HIBCH: variants seen among roughly 807,000 people sequenced by gnomAD.
HIBCH encodes the protein 3-hydroxyisobutyryl-CoA hydrolase, mitochondrial.
HIBCH carries 50 observed loss-of-function variants against 58.2 expected under a neutral mutation model. The ratio of observed to expected loss-of-function variants is 0.86; its 90% CI spans 0.68 to 1.09. The LOEUF (loss-of-function observed/expected upper bound fraction) is 1.09, where lower values mean the gene tolerates loss of function less well. Ranked by LOEUF, HIBCH falls within the 50% of genes least tolerant of loss-of-function variation. HIBCH has a pLI of 0.00. For missense variants in HIBCH, 450 were observed against 449.7 expected, an observed-to-expected ratio of 1.00 and a Z score of -0.01; for synonymous variants, 151 against 146.9, an observed-to-expected ratio of 1.03 and a Z score of -0.20.
chr2:190,250,203 T>C (rs1686723184), intron 8 of HIBCH: 1 of 350,816 alleles, frequency 2.9e-6, no homozygotes, highest in Non-Finnish European at 5.7e-6. Flanking sequence ...TTCTTGCCCC[T>C]GTGATTTCAT....
Position 190,249,730 on chromosome 2 carries a change from A to C in HIBCH, c.664-4T>G. ...AATCTTCCTCTAACATGGCCAACTA[A>C]AGGGGAGGCAGAAAAAAAGGAAAGA... On this transcript the variant is annotated splice_polypyrimidine_tract_variant and splice_region_variant and intron_variant, in intron 8 of 13. Coordinates refer to ENST00000359678, the MANE Select transcript of HIBCH (RefSeq NM_014362.4). 2 of 1,563,556 alleles carry C rather than the reference A, an allele frequency of 1.3e-6. No individual in the cohort carries two copies. Among genetic ancestry groups the C allele is most frequent in the Non-Finnish European group, 1.8e-6 (2 of 1,134,436 alleles).
At position 190,296,930 on chromosome 2, in the gene HIBCH, T is replaced by C; in HGVS notation, c.102A>G (p.Ala34=). The C allele has an allele frequency of 2.5e-6, 4 of 1,614,158 alleles. No individual in the cohort carries two copies. The highest frequency in any genetic ancestry group is 1.1e-5 in the South Asian group (1 of 91,086). The change falls in exon 3 of 14, where the codon GCA becomes GCG. Residue 34 remains alanine, a synonymous_variant. Transcript: ENST00000359678. ...HHLRMSKHTD[A]AEEVLLEKKG... ...TTTTTTCCAATAGCACCTCTTCTGC[T>C]GCATCTGTGTGCTTGGACATTCTCT...
In HIBCH at chr2:190,243,641, T is replaced by C. The variant is rs1461510525; in HGVS notation, c.891+1246A>G. On this transcript the variant is annotated intron_variant, in intron 11 of 13. Coordinates refer to ENST00000359678, the MANE Select transcript of HIBCH (RefSeq NM_014362.4). The surrounding 1 kb of genome is among the most constrained non-coding windows in gnomAD (Gnocchi z 4.1). ...AATTTTAATACTGTATAAGATCCCA[T>C]GGGAGAAATTAACTTTGGATTTCCC... is the stretch of plus-strand genomic sequence containing the variant. 2.6e-5 allele frequency among the ~76,000 whole-genome samples: 4 copies of C among 152,138 alleles called. No homozygotes were observed. Among genetic ancestry groups the C allele is most frequent in the Admixed American group, 2.6e-4 (4 of 15,270 alleles).
downstream of HIBCH, chr2:190,199,840 C>A: frequency 6.2e-7 from 1 of 1,608,302 alleles, no homozygotes; most frequent in Non-Finnish European, 8.5e-7. Flanking sequence ...ACTGCTTCCT[C>A]CACAAACAGC....
chr2:190,262,273 T>C (rs993836454), intron 6 of HIBCH, among the ~76,000 whole-genome samples: 1 of 145,330 alleles, frequency 6.9e-6, no homozygotes, highest in Admixed American at 6.8e-5. Context: ...GATAGAAAAA[T>C]AAACACACAA....
At position 190,209,657 on chromosome 2, in the gene HIBCH, G is replaced by C. The variant is rs367711333; in HGVS notation, c.1012-744C>G. Among the ~76,000 whole-genome samples the C allele has an allele frequency of 2.0e-5, 3 of 152,168 alleles. No homozygotes were observed. The highest frequency in any genetic ancestry group is 7.2e-5 in the African/African-American group (3 of 41,444). On this transcript the variant is annotated intron_variant, in intron 12 of 13. Coordinates refer to ENST00000359678, the MANE Select transcript of HIBCH (RefSeq NM_014362.4). The surrounding 1 kb of genome is among the most constrained non-coding windows in gnomAD (Gnocchi z 5.6). Reference sequence around the variant, plus strand: ...TGCACCTGCCTTCTCTTTCAATGCCGTGGAGGAAAGGACCATCCCTTTTTC... The same window carrying C: ...TGCACCTGCCTTCTCTTTCAATGCCCTGGAGGAAAGGACCATCCCTTTTTC...
At chr2:190,280,481 C>T (rs1876876) in intron 6 of HIBCH, among the ~76,000 whole-genome samples, 23,352 of 152,190 alleles carry the variant, frequency 0.15, 2,510 homozygotes, top group Admixed American at 0.33. Context: ...AAGGCAGTCT[C>T]CCAGTAGACA....
At chr2:190,282,843 C>CAAAAAAAAA (rs58381283) in intron 6 of HIBCH, among the ~76,000 whole-genome samples, 1 of 140,278 alleles carries the variant, frequency 7.1e-6, no homozygotes, top group Non-Finnish European at 1.5e-5. Context: ...ACGAGAAGGC[C>CAAAAAAAAA]AAAAAAAAAA....
At chr2:190,192,510 A>C (rs1246986697) in intron 1 of HIBCH, among the ~76,000 whole-genome samples, 2 of 149,424 alleles carry the variant, frequency 1.3e-5, no homozygotes, top group African/African-American at 2.6e-5. Context: ...ATCTATATAT[A>C]TAAAACAAAT....
intron 1 of HIBCH, among the ~76,000 whole-genome samples, chr2:190,314,667 C>T (rs1416390536): frequency 3.3e-5 from 5 of 151,802 alleles, no homozygotes; most frequent in African/African-American, 4.8e-5. Context: ...TTAGTAGAGA[C>T]GAGGTTTCTC....
intron 7 of HIBCH, among the ~76,000 whole-genome samples, chr2:190,255,670 C>G (rs571187746): frequency 5.9e-5 from 9 of 152,300 alleles, no homozygotes; most frequent in African/African-American, 2.2e-4. Context: ...AGTGAATTCC[C>G]AGGCCCAGCA....
At chr2:190,213,120 T>C (rs756206936) in intron 11 of HIBCH, 45 bp from the exon 12 acceptor site, 19 of 1,421,134 alleles carry the variant, frequency 1.3e-5, no homozygotes, top group Non-Finnish European at 1.8e-5. Context: ...ATAGTTCCTT[T>C]ATTGTCTATA....
At chr2:190,274,502 A>G (rs904540462) in intron 6 of HIBCH, among the ~76,000 whole-genome samples, 2 of 152,210 alleles carry the variant, frequency 1.3e-5, no homozygotes, top group Non-Finnish European at 2.9e-5. Context: ...TTCTCTAGTC[A>G]TGACAACATG....
At chr2:190,213,096 C>T in intron 11 of HIBCH, 21 bp from the exon 12 acceptor site, 1 of 1,561,682 alleles carries the variant, frequency 6.4e-7, no homozygotes, top group South Asian at 1.1e-5. Context: ...AAAAAATTTA[C>T]TACTGTTAGT....
intron 11 of HIBCH, among the ~76,000 whole-genome samples, chr2:190,227,356 T>C (rs1685938923): frequency 6.6e-6 from 1 of 152,188 alleles, no homozygotes; most frequent in Non-Finnish European, 1.5e-5. Flanking sequence ...CTGGGAAAAC[T>C]GGCTAGCCAT....
intron 9 of HIBCH, 124 bp from the exon 10 acceptor site, chr2:190,246,336 CTG>C: frequency 1.5e-6 from 1 of 647,086 alleles, no homozygotes. Context: ...TTACATCTAA[CTG>C]TCTCATAAAT....
chr2:190,189,918 TAGAAA>T (rs1340327764), exon 2 of HIBCH: 1 of 152,220 alleles, frequency 6.6e-6, no homozygotes, highest in Admixed American at 6.5e-5. Flanking sequence ...CAGGCCAATG[TAGAAA>T]GGAAGCAGCA....
chr2:190,265,122 C>CAAAAAAAAAAAA (rs1167140474), intron 6 of HIBCH, among the ~76,000 whole-genome samples: 2 of 56,286 alleles, frequency 3.6e-5, no homozygotes, highest in African/African-American at 7.4e-5. Flanking sequence ...GACTCCGTCT[C>CAAAAAAAAAAAA]AAAAAAAAAA....
At chr2:190,297,149 T>A (rs537529882) in intron 2 of HIBCH, among the ~76,000 whole-genome samples, 196 bp from the exon 3 acceptor site, 9 of 152,322 alleles carry the variant, frequency 5.9e-5, no homozygotes, top group Non-Finnish European at 1.3e-4. Context: ...CATACACACC[T>A]CCTAAATTTT....
Sources: gnomAD v4.1 joint callset for allele counts (sites outside exome capture counted in the v4.1 genomes callset) on GRCh38, gnomAD v4.1.1 for gene constraint, Gnocchi (gnomAD v3.1) non-coding constraint, MANE v1.5 for transcripts, NCBI Gene and HGNC (gene_info 2026-07-23, HGNC 2026-07-21) for gene names.